KANK1: variants seen among roughly 807,000 people sequenced by gnomAD.
KANK1 encodes the protein KN motif and ankyrin repeat domains 1.
Under a neutral mutation model 106.2 loss-of-function variants are expected in KANK1, and 109 were observed. The ratio of observed to expected loss-of-function variants is 1.03; its 90% CI spans 0.88 to 1.20. KANK1 has a LOEUF of 1.20. KANK1 is among the 50% of genes most tolerant of loss of function. The pLI is 0.00. For missense variants in KANK1, 2,399 were observed against 1,710.7 expected (o/e 1.40, Z -7.10); for synonymous variants, 873 against 652.2 (o/e 1.34, Z -5.16).
intron 3 of KANK1, among the ~76,000 whole-genome samples, chr9:721,161 A>G (rs35888223): frequency 1.3e-5 from 2 of 152,174 alleles, no homozygotes; most frequent in African/African-American, 4.8e-5. Flanking sequence ...TTTAGAGCCA[A>G]TGGAAGCCCC....
intron 1 of KANK1, among the ~76,000 whole-genome samples, chr9:583,186 G>C (rs573040716): frequency 2.6e-5 from 4 of 152,046 alleles, no homozygotes; most frequent in Non-Finnish European, 5.9e-5. Context: ...GAATAATTCT[G>C]TTACCAAGTC....
At chr9:719,918 G>T (rs1014561996) in intron 3 of KANK1, among the ~76,000 whole-genome samples, 1 of 152,080 alleles carries the variant, frequency 6.6e-6, no homozygotes, top group African/African-American at 2.4e-5. Flanking sequence ...AAAACAGTTT[G>T]CTTTTAACAT....
At chr9:717,115 T>C (rs1827927453) in intron 3 of KANK1, among the ~76,000 whole-genome samples, 1 of 151,956 alleles carries the variant, frequency 6.6e-6, no homozygotes, top group South Asian at 2.1e-4. Context: ...TAAAACCCCG[T>C]CTTTACTAAA....
At chr9:503,647 C>T (rs1238725014), upstream of KANK1, among the ~76,000 whole-genome samples, 2 of 152,152 alleles carry the variant, frequency 1.3e-5, no homozygotes, top group African/African-American at 4.8e-5. Flanking sequence ...GACTCTCTCC[C>T]TTAAGAAAAT....
At chr9:654,546 A>G (rs1258644002) in intron 1 of KANK1, among the ~76,000 whole-genome samples, 1 of 149,872 alleles carries the variant, frequency 6.7e-6, no homozygotes, top group African/African-American at 2.5e-5. Context: ...CACTAACTCA[A>G]CCAGAAGGGA....
chr9:686,047 A>T (rs1343938562), intron 2 of KANK1, among the ~76,000 whole-genome samples: 3 of 152,142 alleles, frequency 2.0e-5, no homozygotes, highest in Non-Finnish European at 4.4e-5. Flanking sequence ...CAAACTGAAA[A>T]CATCAAAGAG....
intron 2 of KANK1, among the ~76,000 whole-genome samples, chr9:690,740 C>G (rs1819716482): frequency 6.6e-6 from 1 of 152,140 alleles, no homozygotes; most frequent in Non-Finnish European, 1.5e-5. Flanking sequence ...AAAAGTGTTG[C>G]TGCAGTAATC....
At chr9:611,597 T>G (rs1217190526) in intron 1 of KANK1, among the ~76,000 whole-genome samples, 1 of 152,216 alleles carries the variant, frequency 6.6e-6, no homozygotes, top group East Asian at 1.9e-4. Context: ...GGAGTGTGTC[T>G]AAAATTCAGA....
chr9:555,427 T>C (rs893121195), intron 1 of KANK1, among the ~76,000 whole-genome samples: 8 of 152,244 alleles, frequency 5.3e-5, no homozygotes, highest in African/African-American at 1.9e-4. Flanking sequence ...CAGTCTGCTA[T>C]GTATATGGCA....
At chr9:606,412 C>T (rs1450131188) in intron 1 of KANK1, among the ~76,000 whole-genome samples, 4 of 146,622 alleles carry the variant, frequency 2.7e-5, no homozygotes, top group Admixed American at 6.7e-5. Flanking sequence ...CAAAATTAGC[C>T]GGGTGTGGTG....
intron 2 of KANK1, among the ~76,000 whole-genome samples, chr9:692,507 C>CTT (rs5895860): frequency 0.012 from 1,747 of 142,322 alleles, 28 homozygotes; most frequent in African/African-American, 0.035. Context: ...TTTTTTCTTC[C>CTT]TTTTTTTTTT....
chr9:493,752 G>A (rs1197956450), intron 3 of KANK1, among the ~76,000 whole-genome samples: 6 of 151,346 alleles, frequency 4.0e-5, no homozygotes, highest in Admixed American at 1.3e-4. Context: ...TCACCATGTC[G>A]GCCAGGCTGG....
chr9:544,326 T>C (rs2060797282), intron 1 of KANK1, among the ~76,000 whole-genome samples: 1 of 152,218 alleles, frequency 6.6e-6, no homozygotes, highest in South Asian at 2.1e-4. Context: ...CCTGGCCCTG[T>C]TAACTTCTTA....
rs1474669614 is a variant in KANK1 at position 732,468 on chromosome 9, T to C, written c.3096T>C (p.Leu1032=). The C allele has an allele frequency of 6.2e-7, 1 of 1,613,972 alleles. No homozygotes were observed. The highest frequency in any genetic ancestry group is 8.5e-7 in the Non-Finnish European group (1 of 1,180,002). ...AGTGTGATGTCATTGAGTATCCTCTTGAAGAAGAGGAGGAGGAGGAGGATG... is the reference window on the plus strand; with the variant it reads ...AGTGTGATGTCATTGAGTATCCTCTCGAAGAAGAGGAGGAGGAGGAGGATG... ...DDECDVIEYP[L]EEEEEEEDED... is the part of the protein sequence containing the mutation. Residue 1032 remains leucine, a synonymous_variant, in exon 6 of 12, where the codon CTT becomes CTC. Transcript: ENST00000382297.
intron 1 of KANK1, among the ~76,000 whole-genome samples, chr9:613,765 A>G (rs1487249047): frequency 1.3e-5 from 2 of 152,138 alleles, no homozygotes; most frequent in African/African-American, 4.8e-5. Context: ...ATACAGGTTC[A>G]TGAGCCCCTT....
chr9:502,798 T>G (rs2058581137), upstream of KANK1, among the ~76,000 whole-genome samples: 1 of 151,994 alleles, frequency 6.6e-6, no homozygotes, highest in Admixed American at 6.6e-5. Flanking sequence ...AGTGCTGGGA[T>G]TATAGGTGTG....
At chr9:632,649 T>C (rs1439050637) in intron 1 of KANK1, among the ~76,000 whole-genome samples, 1 of 152,182 alleles carries the variant, frequency 6.6e-6, no homozygotes, top group Non-Finnish European at 1.5e-5. Context: ...TATCACATTA[T>C]CTGCTTTGAT....
chr9:652,349 C>G (rs1321437177), intron 1 of KANK1, among the ~76,000 whole-genome samples: 1 of 151,920 alleles, frequency 6.6e-6, no homozygotes, highest in Non-Finnish European at 1.5e-5. Context: ...GGTGAAACCC[C>G]GTATCTACTA....
At chr9:617,929 T>C (rs1832229355) in intron 1 of KANK1, among the ~76,000 whole-genome samples, 1 of 152,154 alleles carries the variant, frequency 6.6e-6, no homozygotes, top group African/African-American at 2.4e-5. Context: ...GAGGATGACA[T>C]GAATCCTGAC....
Sources: allele counts gnomAD v4.1 joint callset (sites outside exome capture counted in the v4.1 genomes callset), GRCh38; gene constraint gnomAD v4.1.1; transcripts MANE v1.5; gene names NCBI Gene and HGNC (gene_info 2026-07-23, HGNC 2026-07-21).